The following PALLD variants were observed in gnomAD, a reference collection of about 807,000 sequenced individuals.
PALLD encodes palladin, cytoskeletal associated protein, also known as palladin.
PALLD carries 61 observed loss-of-function variants against 123.5 expected under a neutral mutation model. That is an observed-to-expected ratio of 0.49 (90% CI 0.40 to 0.61). The LOEUF (loss-of-function observed/expected upper bound fraction) is 0.61, where lower values mean the gene tolerates loss of function less well. Among genes scored for constraint, PALLD ranks in the 20% least tolerant of loss-of-function variants. The probability of loss-of-function intolerance (pLI) is 0.00; values close to 1 mark genes in which losing one functional copy is unlikely to be tolerated. For missense variants in PALLD, 1,273 were observed against 1,377.0 expected (o/e 0.92, Z 1.20); for synonymous variants, 465 against 496.4 (o/e 0.94, Z 0.84).
chr4:168,571,565 G>A (rs1315142340), intron 2 of PALLD, among the ~76,000 whole-genome samples: 1 of 152,078 alleles, frequency 6.6e-6, no homozygotes, highest in African/African-American at 2.4e-5. Flanking sequence ...AATTCCAGTT[G>A]ACTCCCAAAA....
At chr4:168,888,503 TA>T (rs1295056192) in intron 10 of PALLD, among the ~76,000 whole-genome samples, 4 of 152,180 alleles carry the variant, frequency 2.6e-5, no homozygotes, top group Non-Finnish European at 5.9e-5. Flanking sequence ...GTTCTCCTCT[TA>T]CAGTTATGGA....
At position 168,539,874 on chromosome 4, in the gene PALLD, G is replaced by A. The variant is rs577190596; in HGVS notation, c.908+27462G>A. On this transcript the variant is annotated intron_variant, in intron 2 of 21. Transcript: ENST00000505667. ...CAGGTTTGTTACATGGGTATATTGC[G>A]TGGTGCTGAGGCTTGGGGTACGATT... Among the ~76,000 whole-genome samples, 19 of 151,960 alleles carry A rather than the reference G, an allele frequency of 1.3e-4. No individual in the cohort carries two copies. In the South Asian group the frequency reaches 3.1e-3, roughly 25 times the overall value.
At chr4:168,590,837 GTCTTTACTCAGAAGGGGACC>G (rs1771324926) in intron 2 of PALLD, among the ~76,000 whole-genome samples, 1 of 142,106 alleles carries the variant, frequency 7.0e-6, no homozygotes, top group African/African-American at 2.6e-5. Flanking sequence ...AGAGTATGCC[GTCTTTACTCAGAAGGGGACC>G]TAGAAAGTTT....
At chr4:168,668,413 G>A (rs755618461) in intron 3 of PALLD, 45 bp downstream of exon 3, 4 of 1,480,534 alleles carry the variant, frequency 2.7e-6, no homozygotes, top group Non-Finnish European at 3.7e-6. Flanking sequence ...GGTGTCAATG[G>A]TCTAATGACT....
chr4:168,812,135 A>G (rs1182814678), intron 10 of PALLD, among the ~76,000 whole-genome samples: 2 of 152,198 alleles, frequency 1.3e-5, no homozygotes, highest in East Asian at 3.8e-4. Flanking sequence ...ATATTAATAA[A>G]TGGCTTTATA....
chr4:168,607,238 A>G (rs1773272484), intron 2 of PALLD, among the ~76,000 whole-genome samples: 1 of 152,136 alleles, frequency 6.6e-6, no homozygotes, highest in Admixed American at 6.5e-5. Flanking sequence ...TAGAATGATA[A>G]TGAAAGCAGA....
chr4:168,716,688 C>T (rs1325170505), intron 10 of PALLD, among the ~76,000 whole-genome samples: 1 of 152,220 alleles, frequency 6.6e-6, no homozygotes, highest in African/African-American at 2.4e-5. Context: ...AGCATCACCT[C>T]AGTCCAGTTC....
intron 10 of PALLD, among the ~76,000 whole-genome samples, chr4:168,727,050 A>G (rs953941750): frequency 6.6e-6 from 1 of 152,196 alleles, no homozygotes; most frequent in South Asian, 2.1e-4. Flanking sequence ...TGCAAAGTAC[A>G]TGATTTCATT....
chr4:168,631,174 A>T (rs1168813039), intron 2 of PALLD, among the ~76,000 whole-genome samples: 1 of 152,236 alleles, frequency 6.6e-6, no homozygotes, highest in African/African-American at 2.4e-5. Flanking sequence ...TCAGAGGAGC[A>T]ATTTAACTCA....
At chr4:168,641,841 C>T (rs1776978924) in intron 2 of PALLD, among the ~76,000 whole-genome samples, 1 of 152,174 alleles carries the variant, frequency 6.6e-6, no homozygotes, top group Admixed American at 6.5e-5. Flanking sequence ...CAGCCAGTTT[C>T]CCCAGAGAGG....
chr4:168,681,298 C>T (rs76293156), intron 3 of PALLD, 34 bp from the exon 4 acceptor site: 1 of 1,283,352 alleles, frequency 7.8e-7, no homozygotes, highest in South Asian at 1.2e-5. Context: ...ACACTGATAT[C>T]TTAACTTTAC....
intron 2 of PALLD, among the ~76,000 whole-genome samples, chr4:168,555,792 A>G (rs1254881198): frequency 6.6e-6 from 1 of 152,202 alleles, no homozygotes; most frequent in Non-Finnish European, 1.5e-5. Context: ...TGTATTCAGC[A>G]TCATGGCCCA....
Position 168,679,056 on chromosome 4 carries a change from AG to A in PALLD, c.1088-2274del, listed in dbSNP as rs1242223204. Reference sequence around the variant, plus strand: ...GTGTGTGTGTGGTGTGGGTGTGTGTAGGTGCGTGTGTGGTGGGGTGAGTATG... The same window carrying A: ...GTGTGTGTGTGGTGTGGGTGTGTGTAGTGCGTGTGTGGTGGGGTGAGTATG... On this transcript the variant is annotated intron_variant, in intron 3 of 21. Coordinates refer to ENST00000505667, the MANE Select transcript of PALLD (RefSeq NM_001166108.2). Among the ~76,000 whole-genome samples the A allele has an allele frequency of 3.7e-5, 3 of 80,968 alleles. No individual in the cohort carries two copies. The East Asian group carries it at 1.2e-3, about 34-fold the overall frequency. 53.1% of individuals were successfully genotyped at this position (80,968 alleles called of 152,430 possible).
intron 2 of PALLD, among the ~76,000 whole-genome samples, chr4:168,532,433 C>T (rs1233100785): frequency 6.6e-6 from 1 of 152,166 alleles, no homozygotes; most frequent in African/African-American, 2.4e-5. Context: ...GCCTCTCTAT[C>T]TCTACCAAAA....
chr4:168,561,505 C>G (rs922837666), intron 2 of PALLD, among the ~76,000 whole-genome samples: 1 of 152,130 alleles, frequency 6.6e-6, no homozygotes, highest in Non-Finnish European at 1.5e-5. Flanking sequence ...GAACTCCTGG[C>G]CTAAAGTGAT....
chr4:168,505,508 T>A (rs1962354), intron 1 of PALLD, among the ~76,000 whole-genome samples: 59,400 of 152,164 alleles, frequency 0.39, 12,490 homozygotes, highest in East Asian at 0.59. Context: ...AGCAGAACTC[T>A]GATTTCTGAT....
intron 6 of PALLD, among the ~76,000 whole-genome samples, chr4:168,687,779 C>T (rs540994626): frequency 8.5e-5 from 13 of 152,330 alleles, no homozygotes; most frequent in African/African-American, 3.1e-4. Flanking sequence ...TGGTCTTTCC[C>T]CCTTCCCCAA....
intron 2 of PALLD, among the ~76,000 whole-genome samples, chr4:168,637,943 CAAAAAA>C (rs11416996): frequency 8.3e-4 from 50 of 60,446 alleles, no homozygotes; most frequent in African/African-American, 2.7e-3. Context: ...GAATACATCT[CAAAAAA>C]AAAAAAAAAA....
chr4:168,702,396 C>CA (rs1274129637), intron 8 of PALLD, among the ~76,000 whole-genome samples: 2 of 151,888 alleles, frequency 1.3e-5, no homozygotes, highest in South Asian at 2.1e-4. Flanking sequence ...ACTAAAAATA[C>CA]AAAAAAAGTT....
Sources: gnomAD v4.1 joint callset for allele counts (sites outside exome capture counted in the v4.1 genomes callset) on GRCh38, gnomAD v4.1.1 for gene constraint, MANE v1.5 for transcripts, NCBI Gene and HGNC (gene_info 2026-07-23, HGNC 2026-07-21) for gene names.